The following MACROD2 variants were observed in gnomAD, a reference collection of about 807,000 sequenced individuals.
The protein encoded by MACROD2 is mono-ADP ribosylhydrolase 2.
A neutral mutation model predicts 70.4 loss-of-function variants in MACROD2; 36 were observed. The observed-to-expected ratio is 0.51, with a 90% CI of 0.39 to 0.68. MACROD2 has a LOEUF of 0.68. Ranked by LOEUF, MACROD2 falls within the 30% of genes least tolerant of loss-of-function variation. The pLI is 0.00. For synonymous variants in MACROD2, 172 were observed against 178.8 expected (o/e 0.96, Z 0.30); for missense variants, 496 against 538.4 (o/e 0.92, Z 0.78).
At chr20:15,695,111 G>A (rs1481024983) in intron 8 of MACROD2, among the ~76,000 whole-genome samples, 4 of 152,058 alleles carry the variant, frequency 2.6e-5, no homozygotes, top group Non-Finnish European at 4.4e-5. Context: ...TGCTGTTTTG[G>A]TGACTATGGC....
intron 3 of MACROD2, among the ~76,000 whole-genome samples, chr20:14,359,902 T>C (rs2083205901): frequency 6.6e-6 from 1 of 151,958 alleles, no homozygotes; most frequent in South Asian, 2.1e-4. Context: ...ATATACACAA[T>C]AGAATACTAT....
At chr20:15,014,656 C>A (rs1012423704) in intron 5 of MACROD2, among the ~76,000 whole-genome samples, 2 of 152,030 alleles carry the variant, frequency 1.3e-5, no homozygotes, top group Non-Finnish European at 2.9e-5. Context: ...AACAGGCATT[C>A]TTCCAGTTAA....
chr20:14,955,243 A>G (rs921141359), intron 5 of MACROD2, among the ~76,000 whole-genome samples: 1 of 138,076 alleles, frequency 7.2e-6, no homozygotes, highest in Non-Finnish European at 1.5e-5. Flanking sequence ...TTTTTATTAT[A>G]TATAATTTAT....
chr20:15,526,090 T>A (rs1264503058), intron 8 of MACROD2, among the ~76,000 whole-genome samples: 3 of 152,238 alleles, frequency 2.0e-5, no homozygotes, highest in Non-Finnish European at 2.9e-5. Context: ...AAAGGAAGGA[T>A]GTACGGCATT....
chr20:15,288,905 C>CTA (rs2077517029), intron 6 of MACROD2, among the ~76,000 whole-genome samples: 1 of 148,112 alleles, frequency 6.8e-6, no homozygotes, highest in Non-Finnish European at 1.5e-5. Flanking sequence ...ATCTATCTAT[C>CTA]TATCTCCTCT....
chr20:15,274,056 T>C (rs1380013972), intron 6 of MACROD2, among the ~76,000 whole-genome samples: 1 of 152,154 alleles, frequency 6.6e-6, no homozygotes, highest in Admixed American at 6.5e-5. Context: ...CTAAGATAGT[T>C]CTAAGAGTTT....
intron 8 of MACROD2, among the ~76,000 whole-genome samples, chr20:15,711,268 C>A (rs780717793): frequency 2.2e-4 from 34 of 152,252 alleles, no homozygotes; most frequent in South Asian, 4.2e-4. Context: ...CATCTCTGTT[C>A]AGTTACAGGG....
intron 5 of MACROD2, among the ~76,000 whole-genome samples, chr20:14,862,215 AT>A (rs2073346337): frequency 4.7e-5 from 2 of 42,442 alleles, no homozygotes; most frequent in African/African-American, 1.8e-4. Flanking sequence ...AAATATATAT[AT>A]ATATAAATAT....
intron 3 of MACROD2, among the ~76,000 whole-genome samples, chr20:14,322,772 T>C (rs1037490250): frequency 1.3e-5 from 2 of 152,162 alleles, no homozygotes; most frequent in African/African-American, 4.8e-5. Context: ...TTGTTGACCA[T>C]AATAATAGTA....
At chr20:15,890,599 C>T (rs1362135949) in intron 10 of MACROD2, among the ~76,000 whole-genome samples, 1 of 152,148 alleles carries the variant, frequency 6.6e-6, no homozygotes, top group African/African-American at 2.4e-5. Flanking sequence ...CTAATGTAGT[C>T]ATTGGCAAAA....
chr20:14,074,284 T>G (rs2053888593), intron 2 of MACROD2, among the ~76,000 whole-genome samples: 1 of 152,206 alleles, frequency 6.6e-6, no homozygotes, highest in Middle Eastern at 3.2e-3. Context: ...CTTTAACTGC[T>G]GTCCAGCTCT....
At chr20:15,124,631 A>G (rs1193635778) in intron 5 of MACROD2, among the ~76,000 whole-genome samples, 1 of 152,056 alleles carries the variant, frequency 6.6e-6, no homozygotes, top group Non-Finnish European at 1.5e-5. Flanking sequence ...TTTTTGAGAT[A>G]TCTCCTTACC....
intron 9 of MACROD2, among the ~76,000 whole-genome samples, chr20:15,879,213 A>G (rs2064718470): frequency 6.6e-6 from 1 of 152,136 alleles, no homozygotes; most frequent in African/African-American, 2.4e-5. Context: ...ACAAAGAAGT[A>G]TGATGCTTGG....
At chr20:14,904,752 A>G (rs2073938492) in intron 5 of MACROD2, among the ~76,000 whole-genome samples, 1 of 152,204 alleles carries the variant, frequency 6.6e-6, no homozygotes, top group South Asian at 2.1e-4. Context: ...CTGGATTATT[A>G]TAAGTAATAA....
At chr20:14,337,973 T>C (rs16994496) in intron 3 of MACROD2, among the ~76,000 whole-genome samples, 10,839 of 152,226 alleles carry the variant, frequency 0.071, 631 homozygotes, top group African/African-American at 0.16. Flanking sequence ...ACCATCTGTA[T>C]TGAAAAGAAG....
At chr20:14,627,775 G>A (rs1984267732) in intron 4 of MACROD2, among the ~76,000 whole-genome samples, 6 of 152,110 alleles carry the variant, frequency 3.9e-5, no homozygotes, top group Admixed American at 2.6e-4. Context: ...AACAATTAAA[G>A]AGTGCTTCTC....
Position 15,164,186 on chromosome 20 carries a change from TAAAAC to T in MACROD2, c.419-65749_419-65745del, listed in dbSNP as rs374266465. On this transcript the variant is annotated intron_variant, in intron 5 of 17. Transcript: ENST00000684519. ...GTGGATAGAAAATATTTTAAAAAAA[TAAAAC>T]AAAAGTTACAATAAGAAATAATTCA... is the stretch of plus-strand genomic sequence containing the variant. Among the ~76,000 whole-genome samples the T allele has an allele frequency of 1.8e-3, 280 of 152,144 alleles. 1 individual carries two copies. Among genetic ancestry groups the T allele is most frequent in the East Asian group, 0.017 (88 of 5,180 alleles).
chr20:14,040,574 T>C (rs1217990516), intron 2 of MACROD2, among the ~76,000 whole-genome samples: 1 of 152,116 alleles, frequency 6.6e-6, no homozygotes, highest in Non-Finnish European at 1.5e-5. Flanking sequence ...CACCCAAATA[T>C]GGTATACTTG....
intron 6 of MACROD2, among the ~76,000 whole-genome samples, chr20:15,293,302 TA>T (rs1668899957): frequency 1.3e-5 from 2 of 152,262 alleles, no homozygotes; most frequent in Admixed American, 6.5e-5. Flanking sequence ...ATTAGTATGG[TA>T]TTATAACACA....
Sources: gnomAD v4.1 joint callset for allele counts (sites outside exome capture counted in the v4.1 genomes callset) on GRCh38, gnomAD v4.1.1 for gene constraint, MANE v1.5 for transcripts, NCBI Gene and HGNC (gene_info 2026-07-23, HGNC 2026-07-21) for gene names.